NRXN1: variants seen among roughly 807,000 people sequenced by gnomAD.
The protein encoded by NRXN1 is neurexin-1.
NRXN1 carries 39 observed loss-of-function variants against 150.9 expected under a neutral mutation model. The observed-to-expected ratio is 0.26, with a 90% confidence interval of 0.20 to 0.34. NRXN1 has a LOEUF of 0.34. NRXN1 is among the 10% of genes least tolerant of loss of function. The pLI, the probability that NRXN1 is intolerant of heterozygous loss-of-function variation, is 1.00. For synonymous variants in NRXN1, 924 were observed against 757.0 expected, an observed-to-expected ratio of 1.22 and a Z score of -3.62; for missense variants, 1,815 against 1,949.9, an observed-to-expected ratio of 0.93 and a Z score of 1.30.
intron 17 of NRXN1, among the ~76,000 whole-genome samples, chr2:50,394,185 A>G (rs1193475434): frequency 6.6e-6 from 1 of 152,002 alleles, no homozygotes; most frequent in Non-Finnish European, 1.5e-5. Flanking sequence ...GGGTAATTTC[A>G]TCTTGTCCTG....
intron 17 of NRXN1, among the ~76,000 whole-genome samples, chr2:50,238,588 G>C (rs904496707): frequency 1.3e-5 from 2 of 152,006 alleles, no homozygotes; most frequent in Non-Finnish European, 2.9e-5. Context: ...ATGTTTTGAA[G>C]AAAACTATAC....
At chr2:49,961,210 T>C (rs1675877331) in intron 21 of NRXN1, among the ~76,000 whole-genome samples, 1 of 152,014 alleles carries the variant, frequency 6.6e-6, no homozygotes, top group South Asian at 2.1e-4. Context: ...ATTTTGTTAC[T>C]GACTGAACCC....
intron 17 of NRXN1, among the ~76,000 whole-genome samples, chr2:50,459,033 T>A (rs1476270621): frequency 1.3e-5 from 2 of 152,140 alleles, no homozygotes; most frequent in African/African-American, 4.8e-5. Flanking sequence ...TATGTTGATG[T>A]AATCTACATA....
At chr2:50,343,869 C>A (rs186168219) in intron 17 of NRXN1, among the ~76,000 whole-genome samples, 1 of 152,162 alleles carries the variant, frequency 6.6e-6, no homozygotes, top group African/African-American at 2.4e-5. Context: ...AAATGTCTTA[C>A]GATTCACAGA....
chr2:50,097,853 G>C (rs1700451203), intron 18 of NRXN1, among the ~76,000 whole-genome samples: 1 of 151,984 alleles, frequency 6.6e-6, no homozygotes, highest in African/African-American at 2.4e-5. Context: ...TGGTCAGGCT[G>C]GTCTCGAAAT....
chr2:50,975,115 A>G (rs1695617598), intron 2 of NRXN1, among the ~76,000 whole-genome samples: 1 of 152,132 alleles, frequency 6.6e-6, no homozygotes, highest in South Asian at 2.1e-4. Flanking sequence ...AACATCTTGC[A>G]AATGTATACT....
intron 5 of NRXN1, among the ~76,000 whole-genome samples, chr2:50,676,122 C>T (rs1689506931): frequency 6.6e-6 from 1 of 151,974 alleles, no homozygotes; most frequent in Non-Finnish European, 1.5e-5. Context: ...AATGATTTTA[C>T]AGGATATCTT....
intron 19 of NRXN1, among the ~76,000 whole-genome samples, chr2:50,059,343 A>G (rs1446055052): frequency 1.3e-5 from 2 of 152,236 alleles, no homozygotes; most frequent in Non-Finnish European, 2.9e-5. Context: ...CTAAGCAGCA[A>G]AGTGTTCAAG....
intron 18 of NRXN1, among the ~76,000 whole-genome samples, chr2:50,097,264 G>A (rs1200245413): frequency 6.6e-6 from 1 of 152,182 alleles, no homozygotes; most frequent in African/African-American, 2.4e-5. Context: ...ATGTAGATTA[G>A]CAGGGAGCCC....
intron 18 of NRXN1, among the ~76,000 whole-genome samples, chr2:50,183,044 T>C (rs183167160): frequency 1.3e-5 from 2 of 152,188 alleles, no homozygotes; most frequent in African/African-American, 4.8e-5. Flanking sequence ...TCCAATTAAG[T>C]ATAGGCATTA....
chr2:50,496,187 G>A (rs1170416300), intron 14 of NRXN1, 92 bp from the exon 15 acceptor site: 3 of 970,508 alleles, frequency 3.1e-6, no homozygotes, highest in Non-Finnish European at 4.6e-6. Context: ...TTTTTTTCAG[G>A]TGGTTCCATC....
chr2:50,711,153 C>T (rs1695084822), intron 5 of NRXN1, among the ~76,000 whole-genome samples: 1 of 152,106 alleles, frequency 6.6e-6, no homozygotes, highest in East Asian at 1.9e-4. Flanking sequence ...CTAGTCTCTA[C>T]TGCAAGGCTC....
In NRXN1 at chr2:49,920,854, C is replaced by T. The variant is rs199680726; in HGVS notation, c.*1090G>A. The T allele has an allele frequency of 1.0e-4, 16 of 152,436 alleles. No homozygotes were observed. Among genetic ancestry groups the T allele is most frequent in the Admixed American group, 6.6e-5 (1 of 15,246 alleles). 9.4% of individuals were successfully genotyped at this position (152,436 alleles called of 1,614,324 possible). A position where few individuals can be genotyped will look rare whatever the true frequency, so the allele number is the denominator to read the frequency against. ...CACACCTTTCATACAAGTACTAAAA[C>T]TTAATTGCAACAGAATGAAGGCTGT... is the stretch of plus-strand genomic sequence containing the variant. On this transcript the variant is annotated 3_prime_UTR_variant, in exon 23 of 23. Coordinates refer to ENST00000401669, the MANE Select transcript of NRXN1 (RefSeq NM_001330078.2).
At chr2:50,500,252 T>C (rs1432102109) in intron 13 of NRXN1, among the ~76,000 whole-genome samples, 1 of 152,114 alleles carries the variant, frequency 6.6e-6, no homozygotes, top group Admixed American at 6.6e-5. Context: ...AGTATATCTG[T>C]TTTCCTCTCT....
intron 21 of NRXN1, among the ~76,000 whole-genome samples, chr2:50,042,781 T>C (rs1159254787): frequency 1.3e-5 from 2 of 152,186 alleles, no homozygotes; most frequent in South Asian, 2.1e-4. Flanking sequence ...TATCTATCTA[T>C]CTATTTAAAT....
At chr2:50,895,568 G>T (rs866780161) in intron 5 of NRXN1, among the ~76,000 whole-genome samples, 8 of 145,496 alleles carry the variant, frequency 5.5e-5, no homozygotes, top group African/African-American at 7.5e-5. Context: ...TTTTTTGGTT[G>T]TTTTTTTTGT....
At chr2:50,705,289 A>T (rs1433631312) in intron 5 of NRXN1, among the ~76,000 whole-genome samples, 4 of 152,186 alleles carry the variant, frequency 2.6e-5, no homozygotes, top group Non-Finnish European at 5.9e-5. Flanking sequence ...TCCATATTTT[A>T]TCAATTTTAT....
chr2:50,446,739 C>G (rs544169433), intron 17 of NRXN1, among the ~76,000 whole-genome samples: 27 of 151,974 alleles, frequency 1.8e-4, no homozygotes, highest in African/African-American at 5.5e-4. Context: ...GGGGAGACAC[C>G]TAACTGTGAA....
At chr2:50,000,767 T>C (rs571806491) in intron 21 of NRXN1, among the ~76,000 whole-genome samples, 2 of 152,230 alleles carry the variant, frequency 1.3e-5, no homozygotes, top group African/African-American at 2.4e-5. Context: ...CTCTGTAGAT[T>C]GTTCGCTGTG....
Sources: gnomAD v4.1 joint callset for allele counts (sites outside exome capture counted in the v4.1 genomes callset) on GRCh38, gnomAD v4.1.1 for gene constraint, MANE v1.5 for transcripts, NCBI Gene and HGNC (gene_info 2026-07-23, HGNC 2026-07-21) for gene names.